Variants in FANCC observed in about 807,000 individuals in gnomAD.
FANCC encodes the protein Fanconi anemia group C protein.
A neutral mutation model predicts 71.3 loss-of-function variants in FANCC; 55 were observed. The ratio of observed to expected loss-of-function variants is 0.77; its 90% CI spans 0.62 to 0.97. The LOEUF is 0.97. Ranked by LOEUF, FANCC falls within the 50% of genes least tolerant of loss-of-function variation. The pLI is 0.00. For synonymous variants in FANCC, 275 were observed against 244.9 expected (o/e 1.12, Z -1.15); for missense variants, 678 against 670.9 (o/e 1.01, Z -0.12).
At chr9:95,182,976 C>G (rs1330697084) in intron 4 of FANCC, among the ~76,000 whole-genome samples, 2 of 152,094 alleles carry the variant, frequency 1.3e-5, no homozygotes, top group Non-Finnish European at 2.9e-5. Flanking sequence ...CTCCAGCCTG[C>G]CCCTACATGG....
intron 4 of FANCC, among the ~76,000 whole-genome samples, chr9:95,174,718 C>T (rs896428294): frequency 6.6e-6 from 1 of 152,096 alleles, no homozygotes. Context: ...AATGAATTTG[C>T]ATCTGTGCAT....
chr9:95,200,327 G>T (rs1252855640), intron 4 of FANCC, among the ~76,000 whole-genome samples: 3 of 152,186 alleles, frequency 2.0e-5, no homozygotes, highest in African/African-American at 7.2e-5. Context: ...ACAAAATAGG[G>T]ATATAATAAT....
At chr9:95,307,749 G>C (rs1014845768) in intron 1 of FANCC, among the ~76,000 whole-genome samples, 3 of 152,216 alleles carry the variant, frequency 2.0e-5, no homozygotes, top group Admixed American at 1.3e-4. Flanking sequence ...GCATTTGACT[G>C]CAAAGAAGAC....
intron 12 of FANCC, among the ~76,000 whole-genome samples, chr9:95,113,227 A>G (rs895376505): frequency 1.3e-5 from 2 of 152,214 alleles, no homozygotes; most frequent in Admixed American, 6.5e-5. Flanking sequence ...AGGAGTGAGC[A>G]GCTGGCACCC....
chr9:95,266,714 C>A (rs1832404730), intron 1 of FANCC, among the ~76,000 whole-genome samples: 1 of 152,154 alleles, frequency 6.6e-6, no homozygotes, highest in East Asian at 1.9e-4. Context: ...CCATAGCACC[C>A]TAATAAATCC....
chr9:95,183,837 A>G (rs1033943338), intron 4 of FANCC, among the ~76,000 whole-genome samples: 3 of 152,232 alleles, frequency 2.0e-5, no homozygotes, highest in African/African-American at 7.2e-5. Flanking sequence ...TTTAAATAGA[A>G]GTTATAATGC....
intron 6 of FANCC, among the ~76,000 whole-genome samples, chr9:95,156,346 C>G (rs188744248): frequency 6.6e-6 from 1 of 152,142 alleles, no homozygotes; most frequent in East Asian, 1.9e-4. Flanking sequence ...ATATGAGATG[C>G]CTGTGCTAGC....
intron 4 of FANCC, among the ~76,000 whole-genome samples, chr9:95,206,807 C>T (rs1282243602): frequency 1.3e-5 from 2 of 152,124 alleles, no homozygotes; most frequent in Non-Finnish European, 2.9e-5. Context: ...TCTGTTTACC[C>T]CTAAACTTTT....
At chr9:95,247,331 T>TAAAAA in intron 3 of FANCC, 101 bp downstream of exon 3, 1 of 751,878 alleles carries the variant, frequency 1.3e-6, no homozygotes, top group South Asian at 1.6e-5. Flanking sequence ...GTTGTTCCAT[T>TAAAAA]AAAAAAAAAA....
chr9:95,315,481 C>T (rs1835684348), intron 1 of FANCC, among the ~76,000 whole-genome samples: 1 of 152,208 alleles, frequency 6.6e-6, no homozygotes, highest in South Asian at 2.1e-4. Context: ...GCCTCCGCTT[C>T]CCAAAGTGCT....
At chr9:95,292,944 G>C (rs912543403) in intron 1 of FANCC, 2 of 1,580,134 alleles carry the variant, frequency 1.3e-6, no homozygotes, top group Non-Finnish European at 8.7e-7. Context: ...CAGTAGAAAA[G>C]CATTGCAGTC....
chr9:95,249,429 G>T, intron 1 of FANCC, 60 bp from the exon 2 acceptor site: 1 of 822,654 alleles, frequency 1.2e-6, no homozygotes, highest in Non-Finnish European at 2.0e-6. Context: ...GTGCCTTCAC[G>T]ACCCATTGAT....
chr9:95,104,564 C>T (rs1370992958), intron 14 of FANCC, among the ~76,000 whole-genome samples: 1 of 152,204 alleles, frequency 6.6e-6, no homozygotes, highest in African/African-American at 2.4e-5. Context: ...TTACTCCCAG[C>T]AATGTCTCTG....
chr9:95,142,858 T>C (rs375209995), intron 7 of FANCC, among the ~76,000 whole-genome samples: 6 of 152,256 alleles, frequency 3.9e-5, no homozygotes, highest in African/African-American at 1.4e-4. Flanking sequence ...TCACACTCAC[T>C]GTGTGGATTT....
chr9:95,180,636 G>A, intron 4 of FANCC, among the ~76,000 whole-genome samples: 1 of 151,066 alleles, frequency 6.6e-6, no homozygotes, highest in Non-Finnish European at 1.5e-5. Context: ...ACCACATCTG[G>A]CCAACTTTTT....
chr9:95,214,305 G>A (rs528919539), intron 4 of FANCC, among the ~76,000 whole-genome samples: 10 of 152,210 alleles, frequency 6.6e-5, no homozygotes, highest in African/African-American at 2.4e-4. Flanking sequence ...GATGGTGCAT[G>A]CCTGTAGTCC....
intron 1 of FANCC, among the ~76,000 whole-genome samples, chr9:95,313,771 T>C (rs1417616784): frequency 1.3e-5 from 2 of 152,210 alleles, no homozygotes; most frequent in African/African-American, 2.4e-5. Flanking sequence ...CATGACTAAA[T>C]GGGATTTAGA....
At chr9:95,293,716 C>T in intron 1 of FANCC, 1 of 1,613,794 alleles carries the variant, frequency 6.2e-7, no homozygotes, top group Non-Finnish European at 8.5e-7. Context: ...AGTGTTCACA[C>T]TCAGACATTT....
chr9:95,196,939 C>A (rs1242999375), intron 4 of FANCC, among the ~76,000 whole-genome samples: 4 of 152,184 alleles, frequency 2.6e-5, no homozygotes, highest in Non-Finnish European at 5.9e-5. Flanking sequence ...GTGGCCTCTA[C>A]CTTTCCCTGG....
Sources: allele counts gnomAD v4.1 joint callset (sites outside exome capture counted in the v4.1 genomes callset), GRCh38; gene constraint gnomAD v4.1.1; transcripts MANE v1.5; gene names NCBI Gene and HGNC (gene_info 2026-07-23, HGNC 2026-07-21).